The following NEDD4L variants were observed in gnomAD, a reference collection of about 807,000 sequenced individuals.
The protein encoded by NEDD4L is E3 ubiquitin-protein ligase NEDD4-like.
In NEDD4L, 54 loss-of-function variants were observed where a neutral mutation model predicts 148.9. The observed-to-expected ratio is 0.36, with a 90% CI of 0.29 to 0.45. NEDD4L has a LOEUF of 0.45. NEDD4L is among the 20% of genes least tolerant of loss of function. The pLI, the probability that NEDD4L is intolerant of heterozygous loss-of-function variation, is 1.00. For synonymous variants in NEDD4L, 433 were observed against 440.7 expected (o/e 0.98, Z 0.22); for missense variants, 856 against 1,233.8 (o/e 0.69, Z 4.59).
intron 2 of NEDD4L, among the ~76,000 whole-genome samples, chr18:58,218,643 G>A (rs1357588840): frequency 1.3e-5 from 2 of 152,130 alleles, no homozygotes; most frequent in Admixed American, 6.5e-5. Context: ...GTCTTAAGAC[G>A]CCAGCAGCTT....
chr18:58,375,198 C>T (rs1157782177), intron 24 of NEDD4L, among the ~76,000 whole-genome samples: 1 of 152,136 alleles, frequency 6.6e-6, no homozygotes, highest in Non-Finnish European at 1.5e-5. Context: ...GTCCTTGGCA[C>T]GTCCCTGTCT....
chr18:58,384,352 A>G (rs1415160671), intron 25 of NEDD4L, among the ~76,000 whole-genome samples: 5 of 152,226 alleles, frequency 3.3e-5, no homozygotes, highest in East Asian at 1.9e-4. Context: ...TGCTGAATAC[A>G]TAGACTAGAA....
intron 30 of NEDD4L, among the ~76,000 whole-genome samples, chr18:58,392,507 G>T (rs1228805893): frequency 6.6e-6 from 1 of 152,008 alleles, no homozygotes; most frequent in East Asian, 1.9e-4. Flanking sequence ...TTTCACTTCT[G>T]TCGGATTCCC....
chr18:58,371,295 C>G (rs2046845931), intron 23 of NEDD4L, among the ~76,000 whole-genome samples: 1 of 149,844 alleles, frequency 6.7e-6, no homozygotes, highest in South Asian at 2.1e-4. Flanking sequence ...CCTCATGATC[C>G]TCTTGCCTCA....
intron 1 of NEDD4L, among the ~76,000 whole-genome samples, chr18:58,064,765 A>G (rs966948798): frequency 1.3e-5 from 2 of 152,214 alleles, no homozygotes; most frequent in African/African-American, 4.8e-5. Context: ...TATTAAGATC[A>G]TAACTGCCTA....
intron 1 of NEDD4L, among the ~76,000 whole-genome samples, chr18:58,070,952 T>C (rs2082841301): frequency 6.6e-6 from 1 of 152,100 alleles, no homozygotes. Context: ...AATTGACACA[T>C]TGTATTAGAT....
intron 1 of NEDD4L, among the ~76,000 whole-genome samples, chr18:58,147,761 TC>T (rs2034250329): frequency 6.6e-6 from 1 of 152,220 alleles, no homozygotes; most frequent in South Asian, 2.1e-4. Flanking sequence ...TGTCTTTTGT[TC>T]AGTTGTCTCA....
chr18:58,167,088 T>G (rs957062634), intron 2 of NEDD4L, among the ~76,000 whole-genome samples: 1 of 152,204 alleles, frequency 6.6e-6, no homozygotes, highest in Non-Finnish European at 1.5e-5. Flanking sequence ...TTTAAAAAAC[T>G]GTTGTACTTA....
rs968666808 is a variant in NEDD4L, at chr18:58,241,565, T to C, written c.123-3862T>C. On this transcript the variant is annotated intron_variant, in intron 2 of 30. Transcript: ENST00000400345. ...ACACTCAATAAATGTAGACTCCTAG[T>C]GATTCTGACTAGCAGGTCTGGGGTG... 4.0e-5 allele frequency among the ~76,000 whole-genome samples: 6 copies of C among 150,402 alleles called. No homozygotes were observed. The East Asian group carries it at 1.2e-3, about 29-fold the overall frequency.
chr18:58,339,122 G>A (rs532419903), intron 13 of NEDD4L, among the ~76,000 whole-genome samples: 1 of 152,130 alleles, frequency 6.6e-6, no homozygotes, highest in South Asian at 2.1e-4. Flanking sequence ...GCGGGGCCAG[G>A]GGGAGTGGGG....
intron 1 of NEDD4L, among the ~76,000 whole-genome samples, chr18:58,133,398 A>G (rs1232002863): frequency 1.3e-5 from 2 of 152,130 alleles, no homozygotes; most frequent in Non-Finnish European, 2.9e-5. Flanking sequence ...CCTCCCTTCT[A>G]TAGATGAGGT....
intron 18 of NEDD4L, 99 bp downstream of exon 18, chr18:58,351,144 A>G: frequency 1.3e-6 from 2 of 1,534,798 alleles, no homozygotes; most frequent in South Asian, 1.2e-5. Flanking sequence ...CTCTTTATCT[A>G]GGCAGCCAGG....
At chr18:58,260,882 T>TAAG in intron 5 of NEDD4L, among the ~76,000 whole-genome samples, 1 of 152,196 alleles carries the variant, frequency 6.6e-6, no homozygotes, top group African/African-American at 2.4e-5. Flanking sequence ...GGTCCTGGAG[T>TAAG]ACTTAGACTC....
At chr18:58,199,351 C>G (rs556351035) in intron 2 of NEDD4L, among the ~76,000 whole-genome samples, 6 of 152,048 alleles carry the variant, frequency 3.9e-5, no homozygotes, top group Non-Finnish European at 1.5e-5. Flanking sequence ...TTTTCATTGT[C>G]ATATTCAAGG....
chr18:58,157,758 A>G (rs1314854493), intron 1 of NEDD4L, among the ~76,000 whole-genome samples: 1 of 152,216 alleles, frequency 6.6e-6, no homozygotes, highest in Non-Finnish European at 1.5e-5. Flanking sequence ...GACATGATAG[A>G]AAACACAGGC....
chr18:58,235,053 G>T (rs1041643857), intron 2 of NEDD4L, among the ~76,000 whole-genome samples: 1 of 151,998 alleles, frequency 6.6e-6, no homozygotes, highest in East Asian at 1.9e-4. Flanking sequence ...CTCCCCCACC[G>T]AGAAGCCCAG....
chr18:58,232,584 A>T (rs1384345331), intron 2 of NEDD4L, among the ~76,000 whole-genome samples: 1 of 152,208 alleles, frequency 6.6e-6, no homozygotes, highest in Admixed American at 6.5e-5. Context: ...AACCGGAGAA[A>T]ATACATATCC....
chr18:58,377,648 C>T lies in NEDD4L; in HGVS notation c.2352+4379C>T, dbSNP rs550159740. On this transcript the variant is annotated intron_variant, in intron 24 of 30. Transcript: ENST00000400345. ...ATTCACTGCTGTGCACACATACCTG[C>T]CCCCACCGGGAGGAGGGGCCCTTTT... Among the ~76,000 whole-genome samples, 4 of 152,294 alleles carry T rather than the reference C, an allele frequency of 2.6e-5. No homozygotes were observed. The South Asian group carries it at 8.3e-4, about 32-fold the overall frequency.
Position 58,349,569 on chromosome 18 carries a change from G to A in NEDD4L, c.1608G>A (p.Met536Ile). The change falls in exon 17 of 31, where the codon ATG becomes ATA. Residue 536 changes from methionine (M) to isoleucine (I), a missense_variant. Met to Ile is a conservative substitution (Grantham distance 10). Around this residue, in one of 4 missense-constraint regions of NEDD4L, gnomAD observed 367 missense variants for 422.7 expected, o/e 0.87. Coordinates refer to ENST00000400345, the MANE Select transcript of NEDD4L (RefSeq NM_001144967.3). ...CACGTTTGAAATTTCCAGTACATAT[G>A]CGGTCAAAGACATCTTTAAACCCCA... ...EDPRLKFPVH[M>I]RSKTSLNPND... 1.2e-6 allele frequency: 2 copies of A among 1,613,976 alleles called. No individual in the cohort carries two copies. Among genetic ancestry groups the A allele is most frequent in the Non-Finnish European group, 1.7e-6 (2 of 1,179,874 alleles).
Sources: allele counts gnomAD v4.1 joint callset (sites outside exome capture counted in the v4.1 genomes callset), GRCh38; gene constraint gnomAD v4.1.1; regional missense constraint gnomAD v4.1.1; transcripts MANE v1.5; gene names NCBI Gene and HGNC (gene_info 2026-07-23, HGNC 2026-07-21).